The following ROBO2 variants were observed in gnomAD, a reference collection of about 807,000 sequenced individuals.
The protein encoded by ROBO2 is roundabout homolog 2.
Under a neutral mutation model 160.8 loss-of-function variants are expected in ROBO2, and 53 were observed. The ratio of observed to expected loss-of-function variants is 0.33; its 90% CI spans 0.26 to 0.41. The LOEUF (loss-of-function observed/expected upper bound fraction) is 0.41, where lower values mean the gene tolerates loss of function less well. Among genes scored for constraint, ROBO2 ranks in the 10% least tolerant of loss-of-function variants. The pLI, the probability that ROBO2 is intolerant of heterozygous loss-of-function variation, is 1.00. For synonymous variants in ROBO2, 664 were observed against 611.7 expected, an observed-to-expected ratio of 1.09 and a Z score of -1.26; for missense variants, 1,577 against 1,722.4, an observed-to-expected ratio of 0.92 and a Z score of 1.49.
chr3:77,323,436 T>C (rs575122923), intron 2 of ROBO2, among the ~76,000 whole-genome samples: 11 of 152,234 alleles, frequency 7.2e-5, no homozygotes, highest in South Asian at 4.1e-4. Flanking sequence ...TCCATGCTAA[T>C]AGAATAACAC....
intron 2 of ROBO2, among the ~76,000 whole-genome samples, chr3:77,159,480 AT>A (rs1213803893): frequency 6.6e-6 from 1 of 152,138 alleles, no homozygotes; most frequent in Non-Finnish European, 1.5e-5. Flanking sequence ...CAGCTCTTCC[AT>A]AGTGGATTTC....
intron 2 of ROBO2, among the ~76,000 whole-genome samples, chr3:77,210,469 A>C (rs2083989164): frequency 6.6e-6 from 1 of 152,190 alleles, no homozygotes; most frequent in Non-Finnish European, 1.5e-5. Flanking sequence ...TACAGGACTT[A>C]AAATTTCTGT....
At chr3:76,008,245 A>C (rs1268338164) in intron 2 of ROBO2, among the ~76,000 whole-genome samples, 1 of 151,500 alleles carries the variant, frequency 6.6e-6, no homozygotes, top group Non-Finnish European at 1.5e-5. Context: ...AAAAAAAAAA[A>C]AAAAAAAAAG....
chr3:77,543,417 A>G (rs2092566289), intron 6 of ROBO2, among the ~76,000 whole-genome samples: 3 of 152,192 alleles, frequency 2.0e-5, no homozygotes, highest in Non-Finnish European at 2.9e-5. Context: ...ATGTCTTTTC[A>G]GAAAAGTGGA....
At chr3:76,168,206 T>TG (rs1402205975) in intron 2 of ROBO2, among the ~76,000 whole-genome samples, 10 of 152,312 alleles carry the variant, frequency 6.6e-5, no homozygotes, top group Admixed American at 2.0e-4. Context: ...AGTAAACCTA[T>TG]GTCATTTCAA....
At chr3:77,026,718 A>G (rs1281288162) in intron 2 of ROBO2, among the ~76,000 whole-genome samples, 5 of 152,240 alleles carry the variant, frequency 3.3e-5, no homozygotes, top group Admixed American at 3.3e-4. Context: ...TAATGGAACT[A>G]AAGTTCAGAA....
At chr3:76,983,488 T>C (rs932443872) in intron 2 of ROBO2, among the ~76,000 whole-genome samples, 1 of 152,192 alleles carries the variant, frequency 6.6e-6, no homozygotes, top group African/African-American at 2.4e-5. Flanking sequence ...CATATTAATA[T>C]AATTAATCCA....
intron 13 of ROBO2, among the ~76,000 whole-genome samples, chr3:77,573,949 G>C (rs2093699545): frequency 6.6e-6 from 1 of 151,890 alleles, no homozygotes; most frequent in African/African-American, 2.4e-5. Context: ...CATGAGGGCA[G>C]GGGCTGACTC....
intron 2 of ROBO2, among the ~76,000 whole-genome samples, chr3:76,329,421 T>C (rs1336533402): frequency 2.6e-5 from 4 of 152,334 alleles, no homozygotes; most frequent in African/African-American, 9.6e-5. Flanking sequence ...TTTCCCCGTG[T>C]TGGCCGGGCT....
chr3:77,302,874 T>A (rs1580882066), intron 2 of ROBO2, among the ~76,000 whole-genome samples: 1 of 152,254 alleles, frequency 6.6e-6, no homozygotes, highest in East Asian at 1.9e-4. Flanking sequence ...TGAACCAAAG[T>A]CTCAGATGCC....
chr3:75,921,050 T>G (rs570756812), intron 1 of ROBO2, among the ~76,000 whole-genome samples: 3 of 152,180 alleles, frequency 2.0e-5, no homozygotes, highest in Non-Finnish European at 4.4e-5. Flanking sequence ...AATATTATTA[T>G]GTGTGAATTT....
intron 1 of ROBO2, among the ~76,000 whole-genome samples, chr3:77,057,320 G>A (rs147028843): frequency 1.0e-3 from 157 of 152,200 alleles, no homozygotes; most frequent in Non-Finnish European, 1.9e-3. Flanking sequence ...ATGGGGTGAG[G>A]GGAGCGGGGA....
At chr3:77,098,671 C>A (rs1323708702) in intron 2 of ROBO2, among the ~76,000 whole-genome samples, 4 of 151,970 alleles carry the variant, frequency 2.6e-5, no homozygotes, top group Non-Finnish European at 5.9e-5. Flanking sequence ...CACGGTGAAA[C>A]CCCGTCTCTA....
chr3:77,410,543 T>TTCC (rs1298100550), intron 2 of ROBO2, among the ~76,000 whole-genome samples: 1 of 59,984 alleles, frequency 1.7e-5, no homozygotes, highest in Non-Finnish European at 3.8e-5. Flanking sequence ...CCTCCTCTTC[T>TTCC]TCCTCCTCTT....
At chr3:76,121,194 G>A (rs949109046) in intron 2 of ROBO2, among the ~76,000 whole-genome samples, 5 of 152,114 alleles carry the variant, frequency 3.3e-5, no homozygotes, top group African/African-American at 4.8e-5. Context: ...ACAATCAGTC[G>A]AATAGAGTCC....
chr3:76,780,654 A>T (rs2062583623), intron 2 of ROBO2, among the ~76,000 whole-genome samples: 1 of 150,852 alleles, frequency 6.6e-6, no homozygotes, highest in Non-Finnish European at 1.5e-5. Context: ...GCCTGTGGAT[A>T]TCTAATTTTT....
intron 2 of ROBO2, among the ~76,000 whole-genome samples, chr3:76,893,484 A>C (rs1167082954): frequency 6.6e-6 from 1 of 151,980 alleles, no homozygotes; most frequent in Non-Finnish European, 1.5e-5. Flanking sequence ...GAATATACTG[A>C]TTATTTCCTT....
At chr3:77,608,048 C>T in intron 21 of ROBO2, 94 bp downstream of exon 22, 1 of 1,182,890 alleles carries the variant, frequency 8.5e-7, no homozygotes, top group East Asian at 2.4e-5. Context: ...CTCACTGTTT[C>T]CTTTGCCCCC....
intron 2 of ROBO2, among the ~76,000 whole-genome samples, chr3:77,020,286 C>G (rs1356712510): frequency 1.3e-5 from 2 of 152,162 alleles, no homozygotes; most frequent in East Asian, 3.9e-4. Context: ...AATAATTTAT[C>G]AAATATTTGG....
Sources: allele counts gnomAD v4.1 joint callset (sites outside exome capture counted in the v4.1 genomes callset), GRCh38; gene constraint gnomAD v4.1.1; transcripts MANE v1.5; gene names NCBI Gene and HGNC (gene_info 2026-07-23, HGNC 2026-07-21).